Variants in PAX5 observed in about 807,000 individuals in gnomAD.
PAX5 encodes the protein paired box 5.
A neutral mutation model predicts 43.7 loss-of-function variants in PAX5; 9 were observed. The ratio of observed to expected loss-of-function variants is 0.21; its 90% CI spans 0.12 to 0.36. PAX5 has a LOEUF of 0.36. PAX5 is among the 10% of genes least tolerant of loss of function. The pLI is 1.00. For missense variants in PAX5, 383 were observed against 532.7 expected, an observed-to-expected ratio of 0.72 and a Z score of 2.77; for synonymous variants, 228 against 214.3, an observed-to-expected ratio of 1.06 and a Z score of -0.56.
chr9:36,981,017 G>A (rs1835865622), intron 5 of PAX5, among the ~76,000 whole-genome samples: 1 of 152,014 alleles, frequency 6.6e-6, no homozygotes, highest in Non-Finnish European at 1.5e-5. Context: ...CGCCTCCATA[G>A]GGTTCCACAG....
At chr9:36,949,424 G>T (rs906332895) in intron 6 of PAX5, among the ~76,000 whole-genome samples, 2 of 81,040 alleles carry the variant, frequency 2.5e-5, no homozygotes, top group African/African-American at 6.6e-5. Flanking sequence ...CAGTGGTAAA[G>T]CCAAGTAGAT....
At position 36,924,973 on chromosome 9, in the gene PAX5, G is replaced by T. The variant is rs192678919; in HGVS notation, c.781-1489C>A. On this transcript the variant is annotated intron_variant, in intron 6 of 9. Coordinates refer to ENST00000358127, the MANE Select transcript of PAX5 (RefSeq NM_016734.3). Reference sequence around the variant, plus strand: ...GAGGACACACCCATGTTGGTCCAGGGTTATGTCCTTGTCAGGGAGGGACAC... The same window carrying T: ...GAGGACACACCCATGTTGGTCCAGGTTTATGTCCTTGTCAGGGAGGGACAC... 1.1e-4 allele frequency among the ~76,000 whole-genome samples: 16 copies of T among 152,136 alleles called. No homozygotes were observed. The East Asian group carries it at 2.1e-3, about 20-fold the overall frequency.
At chr9:36,883,644 C>T (rs1826655151) in intron 7 of PAX5, among the ~76,000 whole-genome samples, 1 of 151,884 alleles carries the variant, frequency 6.6e-6, no homozygotes, top group Non-Finnish European at 1.5e-5. Context: ...GCACTTCAGC[C>T]TGAGAGACAG....
At chr9:36,895,915 G>T (rs1827821570) in intron 7 of PAX5, among the ~76,000 whole-genome samples, 1 of 152,174 alleles carries the variant, frequency 6.6e-6, no homozygotes, top group South Asian at 2.1e-4. Flanking sequence ...TAAGTTCAGG[G>T]CTGGGGGACC....
intron 9 of PAX5, among the ~76,000 whole-genome samples, chr9:36,843,234 G>A (rs900609837): frequency 1.3e-5 from 2 of 152,134 alleles, no homozygotes; most frequent in Non-Finnish European, 2.9e-5. Context: ...CCATGCCCTG[G>A]CGCCCTCCCC....
intron 7 of PAX5, among the ~76,000 whole-genome samples, chr9:36,910,992 C>T (rs1264556643): frequency 6.6e-6 from 1 of 152,112 alleles, no homozygotes; most frequent in Non-Finnish European, 1.5e-5. Context: ...GTAATTTCTG[C>T]CAGAATGCCT....
intron 6 of PAX5, 93 bp downstream of exon 6, chr9:36,966,456 C>T: frequency 2.2e-6 from 3 of 1,382,778 alleles, no homozygotes; most frequent in Non-Finnish European, 3.0e-6. Flanking sequence ...GGTGTGCCCT[C>T]ACCCACACCC....
chr9:37,019,163 C>T (rs1241412490), intron 2 of PAX5, among the ~76,000 whole-genome samples: 1 of 152,096 alleles, frequency 6.6e-6, no homozygotes, highest in African/African-American at 2.4e-5. Context: ...ATTTATCTAT[C>T]TCTTTCTATT....
At chr9:36,929,252 AG>A (rs1231885586) in intron 6 of PAX5, among the ~76,000 whole-genome samples, 54 of 26,554 alleles carry the variant, frequency 2.0e-3, no homozygotes, top group East Asian at 0.012. Flanking sequence ...GAAGGAAGGA[AG>A]GAAGGAAGGA....
At chr9:37,017,712 C>T (rs1424137277) in intron 2 of PAX5, among the ~76,000 whole-genome samples, 2 of 152,228 alleles carry the variant, frequency 1.3e-5, no homozygotes, top group South Asian at 2.1e-4. Context: ...ACATAGCTGG[C>T]GGGCGGCAGC....
chr9:37,014,834 A>G lies in PAX5; in HGVS notation c.410+163T>C, dbSNP rs541065628. Among the ~76,000 whole-genome samples, 5 of 152,248 alleles carry G rather than the reference A, an allele frequency of 3.3e-5. No individual in the cohort carries two copies. In the South Asian group the frequency reaches 8.3e-4, roughly 25 times the overall value. ...CCTGCTTTGGAAAGAAGAGAAGGGT[A>G]ACAGAGACCGAGCAGGCCCCATTAG... is the stretch of plus-strand genomic sequence containing the variant. On this transcript the variant is annotated intron_variant, in intron 3 of 9. Transcript: ENST00000358127.
intron 6 of PAX5, among the ~76,000 whole-genome samples, chr9:36,936,334 T>TG (rs764386602): frequency 6.6e-6 from 1 of 152,212 alleles, no homozygotes; most frequent in Non-Finnish European, 1.5e-5. Context: ...CAGCTCTGCC[T>TG]GGCTGGGTCA....
At chr9:36,950,843 C>A (rs929131255) in intron 6 of PAX5, among the ~76,000 whole-genome samples, 1 of 150,764 alleles carries the variant, frequency 6.6e-6, no homozygotes, top group East Asian at 2.0e-4. Context: ...CAGGTTCAAG[C>A]GACTCTCCTG....
At chr9:36,864,574 C>G (rs778511639) in intron 8 of PAX5, among the ~76,000 whole-genome samples, 1 of 152,226 alleles carries the variant, frequency 6.6e-6, no homozygotes, top group Non-Finnish European at 1.5e-5. Context: ...CAGGGGACCC[C>G]AACTCCACCC....
intron 6 of PAX5, among the ~76,000 whole-genome samples, chr9:36,957,428 T>A (rs1833585996): frequency 6.6e-6 from 1 of 152,214 alleles, no homozygotes; most frequent in Non-Finnish European, 1.5e-5. Context: ...ATTTGGGTAC[T>A]TGTTCAGTAC....
At chr9:36,912,039 A>T (rs1829337624) in intron 7 of PAX5, among the ~76,000 whole-genome samples, 1 of 152,214 alleles carries the variant, frequency 6.6e-6, no homozygotes, top group South Asian at 2.1e-4. Context: ...AGTGGAAAAA[A>T]TTCAGAGCTC....
chr9:36,884,933 C>T (rs1310829120), intron 7 of PAX5, among the ~76,000 whole-genome samples: 1 of 152,220 alleles, frequency 6.6e-6, no homozygotes, highest in Non-Finnish European at 1.5e-5. Flanking sequence ...TGGCCGCATG[C>T]ACTCTACACA....
rs374769613 is a variant in PAX5 at position 36,923,628 on chromosome 9, G to A, written c.781-144C>T. On this transcript the variant is annotated intron_variant, in intron 6 of 9. Coordinates refer to ENST00000358127, the MANE Select transcript of PAX5 (RefSeq NM_016734.3). ...CACAAGGGGCTCATGAACACTTCCA[G>A]TGTTGAAAGGGCAGAGTCAGCTTGG... The A allele has an allele frequency of 3.3e-5, 28 of 850,056 alleles. No individual in the cohort carries two copies. In the African/African-American group the frequency reaches 4.7e-4, roughly 14 times the overall value. The allele number at this position is 850,056 out of a possible 1,614,324, so 52.7% of individuals were successfully genotyped here.
chr9:36,939,157 C>T (rs1831811667), intron 6 of PAX5, among the ~76,000 whole-genome samples: 1 of 152,200 alleles, frequency 6.6e-6, no homozygotes, highest in South Asian at 2.1e-4. Context: ...TAAATTTGCC[C>T]TAGGGCAAAG....
Sources: allele counts gnomAD v4.1 joint callset (sites outside exome capture counted in the v4.1 genomes callset), GRCh38; gene constraint gnomAD v4.1.1; transcripts MANE v1.5; gene names NCBI Gene and HGNC (gene_info 2026-07-23, HGNC 2026-07-21).